LINGO2: variants seen among roughly 807,000 people sequenced by gnomAD.
LINGO2 encodes the protein leucine rich repeat and Ig domain containing 2.
In LINGO2, 14 loss-of-function variants were observed where a neutral mutation model predicts 30.6. The ratio of observed to expected loss-of-function variants is 0.46; its 90% CI spans 0.30 to 0.72. The LOEUF is 0.72. Ranked by LOEUF, LINGO2 falls within the 30% of genes least tolerant of loss-of-function variation. LINGO2 has a pLI of 0.07. For synonymous variants in LINGO2, 317 were observed against 288.5 expected (o/e 1.10, Z -1.00); for missense variants, 729 against 751.7 (o/e 0.97, Z 0.35).
chr9:28,349,556 C>T (rs1819760014), intron 3 of LINGO2, among the ~76,000 whole-genome samples: 1 of 125,924 alleles, frequency 7.9e-6, no homozygotes, highest in East Asian at 2.1e-4. Context: ...GAGAATGGAA[C>T]CAAGTTGGAA....
chr9:27,950,598 G>C (rs143591713), exon 6 of LINGO2: 30 of 1,522,714 alleles, frequency 2.0e-5, no homozygotes, highest in Non-Finnish European at 2.6e-5. Flanking sequence ...GCAGCCAATG[G>C]TGGATCCCAT....
the LINGO2 span, among the ~76,000 whole-genome samples, chr9:28,963,948 A>G: frequency 4.0e-3 from 601 of 152,084 alleles, 6 homozygotes; most frequent in African/African-American, 0.014. Context: ...CAAGACAAAG[A>G]AATGATAAAT....
intron 2 of LINGO2, among the ~76,000 whole-genome samples, chr9:28,471,806 G>A (rs545495165): frequency 6.6e-6 from 1 of 152,100 alleles, no homozygotes; most frequent in African/African-American, 2.4e-5. Flanking sequence ...TACAGCAAGA[G>A]AAATTTTCAC....
At chr9:28,187,989 T>C (rs1819603622) in intron 4 of LINGO2, among the ~76,000 whole-genome samples, 1 of 152,226 alleles carries the variant, frequency 6.6e-6, no homozygotes, top group South Asian at 2.1e-4. Flanking sequence ...GACATTTTCA[T>C]AGCTCCTGGT....
At chr9:29,136,542 C>A in the LINGO2 span, among the ~76,000 whole-genome samples, 2 of 151,990 alleles carry the variant, frequency 1.3e-5, no homozygotes, top group African/African-American at 4.8e-5. Flanking sequence ...GGATGTTTGC[C>A]TATACTTTTC....
intron 4 of LINGO2, among the ~76,000 whole-genome samples, chr9:28,085,917 T>A (rs1396080562): frequency 6.6e-6 from 1 of 152,090 alleles, no homozygotes; most frequent in Non-Finnish European, 1.5e-5. Flanking sequence ...TGTACTGACA[T>A]GAAATCTCTA....
chr9:28,685,164 C>T, the LINGO2 span, among the ~76,000 whole-genome samples: 1 of 152,138 alleles, frequency 6.6e-6, no homozygotes, highest in Admixed American at 6.5e-5. Context: ...TGTTCTCATT[C>T]TTTTTTATGA....
intron 4 of LINGO2, among the ~76,000 whole-genome samples, chr9:28,226,677 A>G (rs535912612): frequency 3.2e-5 from 3 of 94,520 alleles, no homozygotes; most frequent in African/African-American, 5.9e-5. Context: ...GAAAGAAAGA[A>G]AGAAAGAAAG....
intron 5 of LINGO2, among the ~76,000 whole-genome samples, chr9:27,968,742 T>A (rs1418789808): frequency 6.6e-6 from 1 of 151,946 alleles, no homozygotes; most frequent in African/African-American, 2.4e-5. Flanking sequence ...GATAACTTGC[T>A]ATATCTTTAG....
the LINGO2 span, among the ~76,000 whole-genome samples, chr9:29,171,197 G>A: frequency 2.0e-5 from 3 of 151,914 alleles, no homozygotes; most frequent in Admixed American, 1.3e-4. Context: ...TTTGCATATG[G>A]TTCCTGAAAA....
chr9:28,712,613 TA>T, the LINGO2 span, among the ~76,000 whole-genome samples: 1 of 151,512 alleles, frequency 6.6e-6, no homozygotes, highest in African/African-American at 2.4e-5. Flanking sequence ...ATGACTACAA[TA>T]AGGATTAAAT....
intron 4 of LINGO2, among the ~76,000 whole-genome samples, chr9:28,263,922 G>A (rs1822654531): frequency 6.6e-6 from 1 of 151,874 alleles, no homozygotes; most frequent in Admixed American, 6.6e-5. Context: ...GTCTATATAT[G>A]TATGTCTCCT....
Position 28,640,624 on chromosome 9 carries a change from C to T in LINGO2, c.-365+29576G>A, listed in dbSNP as rs12000364. Among the ~76,000 whole-genome samples the T allele has an allele frequency of 8.2e-3, 1,241 of 151,782 alleles. 25 individuals are homozygous for T. The highest frequency in any genetic ancestry group is 0.029 in the African/African-American group (1,196 of 41,370). The stretch of plus-strand genomic sequence containing the variant: ...TTCTTCCAGTTGATCGAATCGGCTA[C>T]TGAGGCTTGTGCATTCGTCACGTAG... On this transcript the variant is annotated intron_variant, in intron 1 of 5. Coordinates refer to ENST00000379992, the Ensembl canonical transcript of LINGO2.
intron 1 of LINGO2, among the ~76,000 whole-genome samples, chr9:28,500,215 C>T (rs960522355): frequency 6.6e-6 from 1 of 152,144 alleles, no homozygotes; most frequent in Non-Finnish European, 1.5e-5. Context: ...AGCTGTGCCT[C>T]TGGATTCAAG....
In LINGO2 at chr9:28,083,070, A is replaced by T. The variant is rs570095067; in HGVS notation, c.-86-70665T>A. Among the ~76,000 whole-genome samples the T allele has an allele frequency of 4.6e-5, 7 of 152,244 alleles. No individual in the cohort carries two copies. The South Asian group carries it at 1.4e-3, about 32-fold the overall frequency. On this transcript the variant is annotated intron_variant, in intron 4 of 5. Coordinates refer to ENST00000379992, the Ensembl canonical transcript of LINGO2. ...ACTTGCCTGATTCTCTACTAAATTG[A>T]CGGCACTTCTCAGACTTCAATACCC...
At chr9:28,500,464 C>T (rs1248141532) in intron 1 of LINGO2, among the ~76,000 whole-genome samples, 2 of 151,994 alleles carry the variant, frequency 1.3e-5, no homozygotes, top group African/African-American at 2.4e-5. Context: ...ATAATTAAAA[C>T]ATATTTTTGT....
intron 4 of LINGO2, among the ~76,000 whole-genome samples, chr9:28,020,942 C>CCTGG (rs1409774594): frequency 1.3e-5 from 2 of 152,034 alleles, no homozygotes; most frequent in Non-Finnish European, 2.9e-5. Context: ...TTTTGGCTAG[C>CCTGG]CTGGCTAAAG....
At chr9:28,962,823 A>G in the LINGO2 span, among the ~76,000 whole-genome samples, 1 of 151,748 alleles carries the variant, frequency 6.6e-6, no homozygotes, top group Admixed American at 6.6e-5. Context: ...TTTAATCTTA[A>G]ACATACTTTA....
chr9:28,244,672 C>A (rs1490659029), intron 4 of LINGO2, among the ~76,000 whole-genome samples: 2 of 152,050 alleles, frequency 1.3e-5, no homozygotes, highest in Admixed American at 1.3e-4. Context: ...ATACTATAAA[C>A]AACCCTACAC....
Sources: allele counts gnomAD v4.1 joint callset (sites outside exome capture counted in the v4.1 genomes callset), GRCh38; gene constraint gnomAD v4.1.1; transcripts MANE v1.5; gene names NCBI Gene and HGNC (gene_info 2026-07-23, HGNC 2026-07-21).